SLC30A5: variants seen among roughly 807,000 people sequenced by gnomAD.
The protein encoded by SLC30A5 is solute carrier family 30 member 5.
In SLC30A5, 33 loss-of-function variants were observed where a neutral mutation model predicts 79.6. The observed-to-expected ratio is 0.41, with a 90% CI of 0.31 to 0.55. The LOEUF is 0.55. Among genes scored for constraint, SLC30A5 ranks in the 20% least tolerant of loss-of-function variants. The probability of loss-of-function intolerance (pLI) is 0.20; values close to 1 mark genes in which losing one functional copy is unlikely to be tolerated. For synonymous variants in SLC30A5, 299 were observed against 319.7 expected (o/e 0.94, Z 0.69); for missense variants, 788 against 928.1 (o/e 0.85, Z 1.96).
In SLC30A5 at chr5:69,129,436, T is replaced by C; in HGVS notation, c.2128-11T>C. ...TCTAAATGCTTCAAAATATCTGGAT[T>C]TTTATAACAGGTTACAGGAATACTT... is the stretch of plus-strand genomic sequence containing the variant. On this transcript the variant is annotated splice_polypyrimidine_tract_variant and intron_variant, in intron 15 of 15. Transcript: ENST00000396591. The C allele has an allele frequency of 6.2e-7, 1 of 1,602,856 alleles. No homozygotes were observed. Among genetic ancestry groups the C allele is most frequent in the Non-Finnish European group, 8.5e-7 (1 of 1,173,810 alleles).
chr5:69,098,106 C>G (rs1387423654), intron 1 of SLC30A5, among the ~76,000 whole-genome samples: 1 of 150,834 alleles, frequency 6.6e-6, no homozygotes. Context: ...CCTAGGCTTC[C>G]CAGGCATGAG....
intron 12 of SLC30A5, among the ~76,000 whole-genome samples, chr5:69,119,591 G>A (rs1021651056): frequency 6.6e-6 from 1 of 152,196 alleles, no homozygotes; most frequent in African/African-American, 2.4e-5. Context: ...TCTGGCTCTT[G>A]CTGGTGGAAG....
intron 15 of SLC30A5, 114 bp downstream of exon 15, chr5:69,128,246 AAC>A: frequency 1.5e-6 from 1 of 650,242 alleles, no homozygotes; most frequent in East Asian, 4.3e-5. Flanking sequence ...TCAATCTTCC[AAC>A]TCTTTTTTTT....
In SLC30A5 at chr5:69,125,545, A is replaced by G. The variant is rs114375240; in HGVS notation, c.1998+2120A>G. Among the ~76,000 whole-genome samples, 812 of 144,904 alleles carry G rather than the reference A, an allele frequency of 5.6e-3. 8 individuals carry two copies. The highest frequency in any genetic ancestry group is 0.019 in the African/African-American group (754 of 38,832). ...CTCTGTCCTTCCCCACACACAAAAA[A>G]AAAAATTAGGCCTGGCACGGTGGCT... On this transcript the variant is annotated intron_variant, in intron 14 of 15. Transcript: ENST00000396591.
At chr5:69,098,647 T>C (rs1437189285) in intron 1 of SLC30A5, among the ~76,000 whole-genome samples, 1 of 152,226 alleles carries the variant, frequency 6.6e-6, no homozygotes, top group East Asian at 1.9e-4. Context: ...TAGAAGGCAC[T>C]ATACATGGGG....
At position 69,129,716 on chromosome 5, in the gene SLC30A5, C is replaced by A. The variant is rs1368446745; in HGVS notation, c.*99C>A. On this transcript the variant is annotated 3_prime_UTR_variant, in exon 16 of 16. Transcript: ENST00000396591. ...GGATAAAAATTACACATTAACTGTA[C>A]AGAAACAGAGTTCCCTACTACTGGA... 8 of 1,113,058 alleles carry A rather than the reference C, an allele frequency of 7.2e-6. No individual in the cohort carries two copies. In the African/African-American group the frequency reaches 1.2e-4, roughly 17 times the overall value. 68.9% of individuals were successfully genotyped at this position (1,113,058 alleles called of 1,614,324 possible). A position where few individuals can be genotyped will look rare whatever the true frequency, so the allele number is the denominator to read the frequency against.
chr5:69,094,481 C>A, intron 1 of SLC30A5, 143 bp downstream of exon 1: 1 of 943,730 alleles, frequency 1.1e-6, no homozygotes, highest in Non-Finnish European at 1.4e-6. Flanking sequence ...TGCGCGCAGG[C>A]TGCCTCCGGG....
chr5:69,121,421 C>T (rs182099231), intron 12 of SLC30A5, among the ~76,000 whole-genome samples: 184 of 152,118 alleles, frequency 1.2e-3, no homozygotes, highest in Admixed American at 2.6e-3. Flanking sequence ...ATACATAAAC[C>T]ATAAACCAAG....
rs201029134 is a variant in SLC30A5, at chr5:69,100,947, T to G, written c.206+18T>G. On this transcript the variant is annotated intron_variant, in intron 2 of 15. Coordinates refer to ENST00000396591, the MANE Select transcript of SLC30A5 (RefSeq NM_022902.5). Reference sequence around the variant, plus strand: ...AAACTTGGGTGAGTGTGGGGGGGGGTTTTTTCTTGATATTTTTTATTTCTT... The same window carrying G: ...AAACTTGGGTGAGTGTGGGGGGGGGGTTTTTCTTGATATTTTTTATTTCTT... 4.6e-3 allele frequency: 4,919 copies of G among 1,063,446 alleles called. 24 individuals are homozygous for G. Among genetic ancestry groups the G allele is most frequent in the South Asian group, 0.022 (1,394 of 63,928 alleles). The allele number at this position is 1,063,446 out of a possible 1,614,324, so 65.9% of individuals were successfully genotyped here.
intron 12 of SLC30A5, among the ~76,000 whole-genome samples, chr5:69,119,343 C>A (rs944565495): frequency 2.0e-5 from 3 of 151,998 alleles, no homozygotes; most frequent in East Asian, 3.9e-4. Context: ...GAAATACTTT[C>A]TTTTAATCCC....
rs145977757 is a variant in SLC30A5 at position 69,120,772 on chromosome 5, C to CT, written c.1570-918dup. ...ATTTAATAAAGTAAATCTCTTACTA[C>CT]TTTTGAAAAGTAATTAAAAGTATTT... On this transcript the variant is annotated intron_variant, in intron 12 of 15. Transcript: ENST00000396591. 3.5e-3 allele frequency among the ~76,000 whole-genome samples: 529 copies of CT among 152,270 alleles called. 6 individuals carry two copies. Among genetic ancestry groups the CT allele is most frequent in the African/African-American group, 0.012 (510 of 41,552 alleles).
chr5:69,107,128 G>A (rs1408348926), intron 4 of SLC30A5, among the ~76,000 whole-genome samples: 2 of 152,118 alleles, frequency 1.3e-5, no homozygotes, highest in Non-Finnish European at 2.9e-5. Context: ...CTCCCAAAGT[G>A]CTGGGATTAC....
chr5:69,104,730 C>A lies in SLC30A5; in HGVS notation c.359+14C>A. 1 of 1,597,888 alleles carries A rather than the reference C, an allele frequency of 6.3e-7. No homozygotes were observed. The highest frequency in any genetic ancestry group is 2.3e-5 in the East Asian group (1 of 44,232). On this transcript the variant is annotated intron_variant, in intron 4 of 15. Transcript: ENST00000396591. The stretch of plus-strand genomic sequence containing the variant: ...TGGACCACTAAGGTAAATAAAAATG[C>A]ATATTTTGAATGTGTGTTTGTATTT...
At chr5:69,110,299 G>A (rs144087102) in intron 5 of SLC30A5, among the ~76,000 whole-genome samples, 83 of 152,224 alleles carry the variant, frequency 5.5e-4, no homozygotes, top group African/African-American at 1.8e-3. Context: ...TGTGCATGGT[G>A]CATTTTCCTA....
intron 3 of SLC30A5, chr5:69,104,023 C>A: frequency 6.4e-7 from 1 of 1,567,060 alleles, no homozygotes; most frequent in Non-Finnish European, 8.7e-7. Flanking sequence ...TTAAATGATC[C>A]TAGGAAACTA....
In SLC30A5 at chr5:69,129,902, C is replaced by G; in HGVS notation, c.*285C>G. ...TAGATATGATGGATTCTAGTGAAGA[C>G]CAAAATTACTTCTGTTTACTTTCTA... On this transcript the variant is annotated 3_prime_UTR_variant, in exon 16 of 16. Transcript: ENST00000396591. 9.5e-6 allele frequency: 2 copies of G among 211,146 alleles called. No individual in the cohort carries two copies. The highest frequency in any genetic ancestry group is 1.9e-5 in the Non-Finnish European group (2 of 107,120). The allele number at this position is 211,146 out of a possible 1,614,324, so 13.1% of individuals were successfully genotyped here. A position where few individuals can be genotyped will look rare whatever the true frequency, so the allele number is the denominator to read the frequency against.
At chr5:69,104,031 C>T (rs768125261) in intron 3 of SLC30A5, 6 of 1,564,712 alleles carry the variant, frequency 3.8e-6, no homozygotes, top group Admixed American at 1.9e-5. Context: ...TCCTAGGAAA[C>T]TAGTGGGAAA....
chr5:69,110,153 T>C (rs1746194244), intron 5 of SLC30A5, among the ~76,000 whole-genome samples: 1 of 152,202 alleles, frequency 6.6e-6, no homozygotes, highest in Non-Finnish European at 1.5e-5. Flanking sequence ...CTTAAGCTTT[T>C]AGGCTTCTGA....
Position 69,116,122 on chromosome 5 carries a change from A to T in SLC30A5, c.980A>T (p.Gln327Leu), listed in dbSNP as rs1401539079. Residue 327 changes from glutamine to leucine, a missense_variant, in exon 9 of 16, where the codon CAG (glutamine) becomes CTG (leucine). Gln to Leu is a moderately radical substitution (Grantham distance 113). Transcript: ENST00000396591. This position sits in a 1 kb window ranked among gnomAD's most constrained non-coding sequence, Gnocchi z 4.0. Reference sequence around the variant, plus strand: ...TTTTGGACACATCCAATAACAGACCAGCTTCGGGCTATGAACAAAGCAGCA... The same window carrying T: ...TTTTGGACACATCCAATAACAGACCTGCTTCGGGCTATGAACAAAGCAGCA... ...GNFWTHPITD[Q>L]LRAMNKAAHQ... The T allele has an allele frequency of 6.2e-7, 1 of 1,614,208 alleles. No homozygotes were observed. Among genetic ancestry groups the T allele is most frequent in the Non-Finnish European group, 8.5e-7 (1 of 1,180,044 alleles).
Sources: gnomAD v4.1 joint callset for allele counts (sites outside exome capture counted in the v4.1 genomes callset) on GRCh38, gnomAD v4.1.1 for gene constraint, Gnocchi (gnomAD v3.1) non-coding constraint, MANE v1.5 for transcripts, NCBI Gene and HGNC (gene_info 2026-07-23, HGNC 2026-07-21) for gene names.